The following TBC1D9 variants were observed in gnomAD, a reference collection of about 807,000 sequenced individuals.
TBC1D9 encodes TBC1 domain family member 9, also known as TBC1 domain family member 9A.
A neutral mutation model predicts 132.0 loss-of-function variants in TBC1D9; 63 were observed. That is an observed-to-expected ratio of 0.48 (90% CI 0.39 to 0.59). TBC1D9 has a LOEUF of 0.59. Among genes scored for constraint, TBC1D9 ranks in the 20% least tolerant of loss-of-function variants. TBC1D9 has a pLI of 0.00. For synonymous variants in TBC1D9, 610 were observed against 609.9 expected (o/e 1.00, Z 0.00); for missense variants, 1,261 against 1,592.7 (o/e 0.79, Z 3.54).
At chr4:140,645,651 T>G (rs1424033168) in intron 13 of TBC1D9, among the ~76,000 whole-genome samples, 1 of 152,236 alleles carries the variant, frequency 6.6e-6, no homozygotes, top group East Asian at 1.9e-4. Flanking sequence ...TGATTTTTCA[T>G]CCTCTCTTGG....
At chr4:140,700,541 T>C (rs1384190171) in intron 2 of TBC1D9, among the ~76,000 whole-genome samples, 1 of 151,870 alleles carries the variant, frequency 6.6e-6, no homozygotes, top group African/African-American at 2.4e-5. Flanking sequence ...TTTTTTTTGC[T>C]GGGTGCAGTG....
chr4:140,701,561 G>A lies in TBC1D9; in HGVS notation c.184C>T (p.Pro62Ser). 6.2e-7 allele frequency: 1 copy of A among 1,613,942 alleles called. No individual in the cohort carries two copies. Among genetic ancestry groups the A allele is most frequent in the Non-Finnish European group, 8.5e-7 (1 of 1,179,870 alleles). Reference protein sequence around the residue: ...VVLDSSARVAPYRILYQTPDS... With the variant: ...VVLDSSARVASYRILYQTPDS... ...GGAGTCTGGTACAAGATTCGGTAAG[G>A]AGCGACCCGGGCGCTGGAGTCCAAC... Residue 62 changes from proline (P) to serine (S), a missense_variant, in exon 2 of 21, where the codon CCT (proline) becomes TCT (serine). Pro to Ser is a moderately conservative substitution (Grantham distance 74, BLOSUM62 -1). Transcript: ENST00000442267.
intron 6 of TBC1D9, 115 bp downstream of exon 6, chr4:140,676,779 G>T: frequency 2.9e-6 from 4 of 1,372,584 alleles, no homozygotes; most frequent in African/African-American, 1.4e-5. Flanking sequence ...CACCAAAGAC[G>T]CATGAACATT....
chr4:140,719,576 G>A (rs1738391983), intron 1 of TBC1D9, among the ~76,000 whole-genome samples: 1 of 152,162 alleles, frequency 6.6e-6, no homozygotes, highest in African/African-American at 2.4e-5. Flanking sequence ...TAGTCCTGGA[G>A]GCATGATGTG....
At chr4:140,751,445 T>A (rs919087482) in intron 1 of TBC1D9, among the ~76,000 whole-genome samples, 1 of 152,164 alleles carries the variant, frequency 6.6e-6, no homozygotes, top group Non-Finnish European at 1.5e-5. Flanking sequence ...TTCCCAGTGA[T>A]CTGTACATGT....
At chr4:140,745,133 T>C (rs1167006973) in intron 1 of TBC1D9, among the ~76,000 whole-genome samples, 2 of 152,160 alleles carry the variant, frequency 1.3e-5, no homozygotes, top group Non-Finnish European at 2.9e-5. Flanking sequence ...CATATACTGA[T>C]GTCTTATGTC....
intron 2 of TBC1D9, among the ~76,000 whole-genome samples, chr4:140,690,682 T>C (rs2111029994): frequency 6.6e-6 from 1 of 152,290 alleles, no homozygotes; most frequent in Middle Eastern, 3.4e-3. Flanking sequence ...AAAGGGGTTT[T>C]GGAAGTTTCT....
At chr4:140,631,036 G>T (rs1324375784) in intron 16 of TBC1D9, among the ~76,000 whole-genome samples, 1 of 152,138 alleles carries the variant, frequency 6.6e-6, no homozygotes, top group Non-Finnish European at 1.5e-5. Context: ...ACACTTTTGG[G>T]TGCAGTGTTC....
chr4:140,657,643 A>G lies in TBC1D9; in HGVS notation c.2091T>C (p.Cys697=), dbSNP rs1737293563. ...TCACTTTAATTCCTTCATAGAAGAA[A>G]CAGTCAACAACCACAACTGCACTCT... The part of the protein sequence containing the change: ...PFESAVVVVD[C]FFYEGIKVIF... Residue 697 remains cysteine, a synonymous_variant, in exon 12 of 21, where the codon TGT becomes TGC. Coordinates refer to ENST00000442267, the MANE Select transcript of TBC1D9 (RefSeq NM_015130.3). The G allele has an allele frequency of 8.7e-6, 14 of 1,614,048 alleles. No individual in the cohort carries two copies. Among genetic ancestry groups the G allele is most frequent in the Non-Finnish European group, 1.2e-5 (14 of 1,179,888 alleles).
chr4:140,660,170 C>A (rs574864675), intron 10 of TBC1D9, among the ~76,000 whole-genome samples: 1 of 152,168 alleles, frequency 6.6e-6, no homozygotes, highest in Non-Finnish European at 1.5e-5. Flanking sequence ...GAGAGAACAA[C>A]GAAACCTTTC....
intron 1 of TBC1D9, among the ~76,000 whole-genome samples, chr4:140,743,058 C>T (rs1276099153): frequency 6.6e-6 from 1 of 152,004 alleles, no homozygotes; most frequent in African/African-American, 2.4e-5. Flanking sequence ...GAGGGAAGGA[C>T]AGATGGAAGG....
intron 1 of TBC1D9, among the ~76,000 whole-genome samples, chr4:140,703,025 T>C (rs143000969): frequency 2.8e-4 from 43 of 152,278 alleles, no homozygotes; most frequent in African/African-American, 9.9e-4. Context: ...TTAGGGGTAA[T>C]AGGCTGTTTG....
intron 7 of TBC1D9, 55 bp from the exon 8 acceptor site, chr4:140,669,859 T>C (rs1737508531): frequency 6.6e-7 from 1 of 1,512,740 alleles, no homozygotes; most frequent in Admixed American, 1.7e-5. Flanking sequence ...TAGAACCTAC[T>C]TCTTCAGTGT....
intron 2 of TBC1D9, among the ~76,000 whole-genome samples, chr4:140,689,856 C>A (rs1325162467): frequency 6.8e-6 from 1 of 148,052 alleles, no homozygotes; most frequent in East Asian, 2.0e-4. Flanking sequence ...TCAGGAGATC[C>A]TATCACCTCA....
rs1737370382 is a variant in TBC1D9, at chr4:140,662,087, T to C, written c.1609A>G (p.Thr537Ala). Residue 537 changes from threonine to alanine, a missense_variant, in exon 10 of 21, where the codon ACA becomes GCA. Transcript: ENST00000442267. ...LLSGAINEKA[T>A]HPGYYEDLVE... The stretch of plus-strand genomic sequence containing the variant: ...AGGTCTTCATAGTACCCAGGATGTG[T>C]GGCCTTCTCATTGATGGCACCTGAG... 2 of 1,613,794 alleles carry C rather than the reference T, an allele frequency of 1.2e-6. No individual in the cohort carries two copies. Among genetic ancestry groups the C allele is most frequent in the Non-Finnish European group, 1.7e-6 (2 of 1,179,850 alleles).
Position 140,703,989 on chromosome 4 carries a change from C to T in TBC1D9, c.131-2375G>A, listed in dbSNP as rs1738111585. On this transcript the variant is annotated intron_variant, in intron 1 of 20. Coordinates refer to ENST00000442267, the MANE Select transcript of TBC1D9 (RefSeq NM_015130.3). ...CACTCATAATTGAGTGTTTGTAATA[C>T]CTCTCACATCTTGAATCAAAATAAG... Among the ~76,000 whole-genome samples the T allele has an allele frequency of 2.0e-5, 3 of 152,124 alleles. No homozygotes were observed. The South Asian group carries it at 6.2e-4, about 32-fold the overall frequency.
At chr4:140,746,441 T>TG (rs565239950) in intron 1 of TBC1D9, among the ~76,000 whole-genome samples, 12 of 152,108 alleles carry the variant, frequency 7.9e-5, no homozygotes, top group Middle Eastern at 3.2e-3. Context: ...GATTTTCAAA[T>TG]GGGGGGTGGT....
At chr4:140,694,795 C>A (rs535831079) in intron 2 of TBC1D9, among the ~76,000 whole-genome samples, 59 of 106,276 alleles carry the variant, frequency 5.6e-4, no homozygotes, top group Non-Finnish European at 8.3e-4. Flanking sequence ...TTTTTAAAGT[C>A]TGAAAGTGAT....
chr4:140,640,529 T>C (rs1196513469), intron 13 of TBC1D9, among the ~76,000 whole-genome samples: 6 of 151,986 alleles, frequency 3.9e-5, no homozygotes, highest in South Asian at 4.2e-4. Flanking sequence ...ATTGTCAGGG[T>C]GAGGGAGGCC....
Sources: allele counts gnomAD v4.1 joint callset (sites outside exome capture counted in the v4.1 genomes callset), GRCh38; gene constraint gnomAD v4.1.1; transcripts MANE v1.5; gene names NCBI Gene and HGNC (gene_info 2026-07-23, HGNC 2026-07-21).